MED13L: variants seen among roughly 807,000 people sequenced by gnomAD.
MED13L encodes the protein mediator of RNA polymerase II transcription subunit 13-like.
Under a neutral mutation model 220.9 loss-of-function variants are expected in MED13L, and 7 were observed. The ratio of observed to expected loss-of-function variants is 0.03; its 90% CI spans 0.02 to 0.06. The LOEUF is 0.06. MED13L is among the 10% of genes least tolerant of loss of function. The pLI is 1.00. For missense variants in MED13L, 1,965 were observed against 2,760.5 expected (o/e 0.71, Z 6.46); for synonymous variants, 1,011 against 1,015.2 (o/e 1.00, Z 0.08).
At chr12:116,142,947 G>A (rs902585518) in intron 2 of MED13L, among the ~76,000 whole-genome samples, 1 of 152,130 alleles carries the variant, frequency 6.6e-6, no homozygotes, top group African/African-American at 2.4e-5. Flanking sequence ...AATCAAACAG[G>A]TGAACTCAAA....
At chr12:116,186,217 T>C (rs900113758) in intron 2 of MED13L, among the ~76,000 whole-genome samples, 30 of 152,334 alleles carry the variant, frequency 2.0e-4, no homozygotes, top group Non-Finnish European at 2.5e-4. Flanking sequence ...ATTTTATATA[T>C]AGCATTTTAT....
At chr12:116,263,421 T>C (rs1443643619) in intron 1 of MED13L, among the ~76,000 whole-genome samples, 1 of 152,210 alleles carries the variant, frequency 6.6e-6, no homozygotes, top group East Asian at 1.9e-4. Context: ...TCTAAACAAC[T>C]AGTAGAGACA....
At chr12:116,106,967 C>T (rs1471978930) in intron 3 of MED13L, among the ~76,000 whole-genome samples, 2 of 152,076 alleles carry the variant, frequency 1.3e-5, no homozygotes, top group Non-Finnish European at 2.9e-5. Context: ...ACCAATACTT[C>T]TGTTAGCTAG....
intron 2 of MED13L, among the ~76,000 whole-genome samples, chr12:116,166,090 G>A (rs564495472): frequency 6.6e-5 from 10 of 152,286 alleles, no homozygotes; most frequent in Admixed American, 2.6e-4. Flanking sequence ...CTGGTCAGGC[G>A]CAGTGGCTCA....
intron 2 of MED13L, among the ~76,000 whole-genome samples, chr12:116,167,404 T>C (rs538443357): frequency 2.3e-4 from 35 of 152,288 alleles, no homozygotes; most frequent in African/African-American, 6.3e-4. Context: ...AATGTAACAA[T>C]TGACAGGCCA....
In MED13L at chr12:115,959,943, CG is replaced by C. The variant is rs1160041713; in HGVS notation, c.*1322del. 1.3e-5 allele frequency: 2 copies of C among 152,508 alleles called. No individual in the cohort carries two copies. The highest frequency in any genetic ancestry group is 1.9e-4 in the East Asian group (1 of 5,198). The allele number at this position is 152,508 out of a possible 1,614,324, so 9.4% of individuals were successfully genotyped here. Reference sequence around the variant, plus strand: ...TCAAAGGCCTGGTCACAGTGGCTCCCGGGAGGCCAGTACACACCCACTGTCC... The same window carrying C: ...TCAAAGGCCTGGTCACAGTGGCTCCCGGAGGCCAGTACACACCCACTGTCC... On this transcript the variant is annotated 3_prime_UTR_variant, in exon 31 of 31. Coordinates refer to ENST00000281928, the MANE Select transcript of MED13L (RefSeq NM_015335.5).
chr12:116,098,812 A>G (rs1484906173), intron 3 of MED13L, among the ~76,000 whole-genome samples: 2 of 152,366 alleles, frequency 1.3e-5, no homozygotes, highest in East Asian at 3.9e-4. Flanking sequence ...CTGTGACTCC[A>G]TTAAATTTAG....
At chr12:115,970,422 CA>C (rs1313092739) in intron 27 of MED13L, among the ~76,000 whole-genome samples, 171 bp downstream of exon 27, 3 of 152,208 alleles carry the variant, frequency 2.0e-5, no homozygotes, top group Non-Finnish European at 2.9e-5. Context: ...GTTAATTGTG[CA>C]GATAAATCAA....
At chr12:116,184,645 C>CT (rs1880757491) in intron 2 of MED13L, among the ~76,000 whole-genome samples, 1 of 152,168 alleles carries the variant, frequency 6.6e-6, no homozygotes, top group Non-Finnish European at 1.5e-5. Context: ...TACCAGATCT[C>CT]TAAGTTGCAG....
intron 7 of MED13L, among the ~76,000 whole-genome samples, chr12:116,017,649 T>A (rs1318544390): frequency 6.6e-6 from 1 of 152,188 alleles, no homozygotes; most frequent in Non-Finnish European, 1.5e-5. Context: ...ATGGTCTAGC[T>A]CCGTCGACCA....
chr12:116,227,373 A>T (rs566460128), intron 2 of MED13L, among the ~76,000 whole-genome samples: 1 of 152,120 alleles, frequency 6.6e-6, no homozygotes, highest in Admixed American at 6.5e-5. Context: ...TGCATTTCAC[A>T]TTGTTTCGCT....
At chr12:116,020,077 G>A in intron 5 of MED13L, 105 bp from the exon 6 acceptor site, 1 of 1,001,574 alleles carries the variant, frequency 1.0e-6, no homozygotes, top group Non-Finnish European at 1.5e-6. Context: ...CACTTAATGT[G>A]CATTGTTCTT....
chr12:115,963,717 C>CA (rs927688439), intron 29 of MED13L, among the ~76,000 whole-genome samples, 198 bp from the exon 30 acceptor site: 60 of 149,672 alleles, frequency 4.0e-4, no homozygotes, highest in African/African-American at 1.2e-3. Context: ...TGGAAAAAAA[C>CA]AAAAAAAAAG....
At position 116,156,284 on chromosome 12, in the gene MED13L, T is replaced by G. The variant is rs968988906; in HGVS notation, c.311-44772A>C. ...TAACTTACAACTTTCCACTGAAGCA[T>G]ATATTATACATAAGATATGAGTACA... On this transcript the variant is annotated intron_variant, in intron 2 of 30. Coordinates refer to ENST00000281928, the MANE Select transcript of MED13L (RefSeq NM_015335.5). Among the ~76,000 whole-genome samples the G allele has an allele frequency of 5.9e-5, 9 of 151,590 alleles. No homozygotes were observed. The East Asian group carries it at 9.7e-4, about 16-fold the overall frequency.
At chr12:116,006,807 G>A (rs949661121) in intron 11 of MED13L, 10 of 204,872 alleles carry the variant, frequency 4.9e-5, no homozygotes, top group African/African-American at 1.4e-4. Flanking sequence ...TAACTATACC[G>A]GCCTCTTATA....
At chr12:116,116,093 G>A (rs1289081872) in intron 2 of MED13L, among the ~76,000 whole-genome samples, 1 of 152,172 alleles carries the variant, frequency 6.6e-6, no homozygotes, top group Non-Finnish European at 1.5e-5. Flanking sequence ...TCCTTGAAAT[G>A]TCTAGAGGGC....
At chr12:116,222,727 T>C (rs966466969) in intron 2 of MED13L, among the ~76,000 whole-genome samples, 25 of 152,346 alleles carry the variant, frequency 1.6e-4, no homozygotes, top group African/African-American at 6.0e-4. Flanking sequence ...TTAACATGTA[T>C]GTACCTTAAT....
At chr12:115,980,711 A>G (rs2092867135) in intron 23 of MED13L, 39 bp downstream of exon 23, 1 of 1,602,336 alleles carries the variant, frequency 6.2e-7, no homozygotes, top group Non-Finnish European at 8.5e-7. Flanking sequence ...CTTGCATTTT[A>G]GTATAAATTT....
At chr12:116,182,316 C>T (rs550150806) in intron 2 of MED13L, among the ~76,000 whole-genome samples, 78 of 152,320 alleles carry the variant, frequency 5.1e-4, no homozygotes, top group African/African-American at 1.6e-3. Context: ...CTAAGCCCTT[C>T]CCTTAGCCAC....
Sources: gnomAD v4.1 joint callset for allele counts (sites outside exome capture counted in the v4.1 genomes callset) on GRCh38, gnomAD v4.1.1 for gene constraint, MANE v1.5 for transcripts, NCBI Gene and HGNC (gene_info 2026-07-23, HGNC 2026-07-21) for gene names.